The following TRAF3IP1 variants were observed in gnomAD, a reference collection of about 807,000 sequenced individuals.
The protein encoded by TRAF3IP1 is TRAF3-interacting protein 1.
In TRAF3IP1, 53 loss-of-function variants were observed where a neutral mutation model predicts 89.9. The observed-to-expected ratio is 0.59, with a 90% CI of 0.47 to 0.74. The LOEUF (loss-of-function observed/expected upper bound fraction) is 0.74. TRAF3IP1 is among the 30% of genes least tolerant of loss of function. TRAF3IP1 has a pLI of 0.00. For synonymous variants in TRAF3IP1, 311 were observed against 322.1 expected (o/e 0.97, Z 0.37); for missense variants, 806 against 866.1 (o/e 0.93, Z 0.87).
At chr2:238,394,413 A>G (rs189513012) in intron 15 of TRAF3IP1, among the ~76,000 whole-genome samples, 28 of 152,262 alleles carry the variant, frequency 1.8e-4, no homozygotes, top group Admixed American at 1.2e-3. Flanking sequence ...CTTCCATTCC[A>G]TGGACACAGT....
chr2:238,353,280 G>A, intron 14 of TRAF3IP1, 71 bp downstream of exon 14: 4 of 1,557,858 alleles, frequency 2.6e-6, no homozygotes, highest in Non-Finnish European at 3.5e-6. Flanking sequence ...ACGTGGGCCT[G>A]GAAGGATCCA....
chr2:238,321,378 C>G (rs921080480), intron 1 of TRAF3IP1, among the ~76,000 whole-genome samples: 1 of 152,204 alleles, frequency 6.6e-6, no homozygotes, highest in Non-Finnish European at 1.5e-5. Flanking sequence ...TTTATACAAC[C>G]CTTCTGCCCC....
intron 8 of TRAF3IP1, among the ~76,000 whole-genome samples, chr2:238,341,768 G>A (rs1698671100): frequency 6.6e-6 from 1 of 152,014 alleles, no homozygotes; most frequent in Non-Finnish European, 1.5e-5. Context: ...TCTGTGAGGC[G>A]GGGCAAACTG....
intron 7 of TRAF3IP1, among the ~76,000 whole-genome samples, chr2:238,334,242 C>G (rs1698279207): frequency 6.6e-6 from 1 of 152,194 alleles, no homozygotes; most frequent in Non-Finnish European, 1.5e-5. Flanking sequence ...CTGATGACAT[C>G]AGGGCAGAGT....
At chr2:238,397,369 A>G (rs1574984582) in intron 15 of TRAF3IP1, 90 bp from the exon 16 acceptor site, 1 of 1,175,548 alleles carries the variant, frequency 8.5e-7, no homozygotes, top group Admixed American at 1.9e-5. Flanking sequence ...CTTTCCTCCC[A>G]GCCCCATGGC....
At chr2:238,346,550 T>A (rs927155689) in intron 9 of TRAF3IP1, among the ~76,000 whole-genome samples, 1 of 152,210 alleles carries the variant, frequency 6.6e-6, no homozygotes, top group Non-Finnish European at 1.5e-5. Flanking sequence ...GTGGCTGTTA[T>A]GCTCACAGAA....
chr2:238,378,071 A>G (rs1219621903), intron 15 of TRAF3IP1, among the ~76,000 whole-genome samples: 4 of 150,808 alleles, frequency 2.7e-5, no homozygotes, highest in African/African-American at 7.3e-5. Context: ...TTACTTAGGC[A>G]TTTTTCTTTT....
At chr2:238,388,610 T>G (rs1391854723) in intron 15 of TRAF3IP1, among the ~76,000 whole-genome samples, 2 of 147,870 alleles carry the variant, frequency 1.4e-5, no homozygotes, top group East Asian at 4.0e-4. Flanking sequence ...TTTTTTTTTT[T>G]TTTTTGAGAC....
At chr2:238,326,499 G>A (rs1697840329) in intron 3 of TRAF3IP1, among the ~76,000 whole-genome samples, 1 of 152,118 alleles carries the variant, frequency 6.6e-6, no homozygotes, top group South Asian at 2.1e-4. Context: ...CAGTTGTACG[G>A]GGAGTAGATT....
At chr2:238,321,209 G>GC (rs1443264105) in intron 1 of TRAF3IP1, among the ~76,000 whole-genome samples, 1 of 152,220 alleles carries the variant, frequency 6.6e-6, no homozygotes, top group Non-Finnish European at 1.5e-5. Flanking sequence ...TTCCCTGCCT[G>GC]CCCTTGTATT....
intron 15 of TRAF3IP1, among the ~76,000 whole-genome samples, chr2:238,363,963 A>G (rs1255738518): frequency 6.6e-6 from 1 of 152,218 alleles, no homozygotes; most frequent in African/African-American, 2.4e-5. Flanking sequence ...CTGTCTCAAA[A>G]AAAATATATA....
chr2:238,376,670 A>T (rs1462968357), intron 15 of TRAF3IP1, among the ~76,000 whole-genome samples: 1 of 152,170 alleles, frequency 6.6e-6, no homozygotes, highest in Non-Finnish European at 1.5e-5. Context: ...TGTTAGATTT[A>T]TATGTGGGTA....
chr2:238,381,836 G>A lies in TRAF3IP1; in HGVS notation c.1690-15623G>A, dbSNP rs533089097. On this transcript the variant is annotated intron_variant, in intron 15 of 16. Transcript: ENST00000373327. ...TGTAAATATGTTCATCATGCTCTACGAATTTAAAAAATGCCAATGATTAAG... is the reference window on the plus strand; with the variant it reads ...TGTAAATATGTTCATCATGCTCTACAAATTTAAAAAATGCCAATGATTAAG... 3.9e-5 allele frequency among the ~76,000 whole-genome samples: 6 copies of A among 152,194 alleles called. No homozygotes were observed. In the East Asian group the frequency reaches 7.7e-4, roughly 20 times the overall value.
chr2:238,331,824 G>T (rs1050225001), intron 5 of TRAF3IP1, among the ~76,000 whole-genome samples: 2 of 152,170 alleles, frequency 1.3e-5, no homozygotes, highest in African/African-American at 4.8e-5. Flanking sequence ...TCACATCTAC[G>T]CTGGGGAGGC....
At chr2:238,347,376 T>C in intron 9 of TRAF3IP1, 79 bp from the exon 10 acceptor site, 4 of 1,483,438 alleles carry the variant, frequency 2.7e-6, no homozygotes, top group East Asian at 2.3e-5. Context: ...GTGTGTTTTT[T>C]CTCCAATTCT....
chr2:238,343,528 C>A (rs1432509938), intron 8 of TRAF3IP1, among the ~76,000 whole-genome samples: 1 of 151,854 alleles, frequency 6.6e-6, no homozygotes, highest in African/African-American at 2.4e-5. Flanking sequence ...ACTACAGGCA[C>A]CTGCCACCAT....
rs1039740460 is a variant in TRAF3IP1, at chr2:238,351,978, G to C, written c.1452-849G>C. 6.6e-6 allele frequency among the ~76,000 whole-genome samples: 1 copy of C among 152,062 alleles called. No individual in the cohort carries two copies. Among genetic ancestry groups the C allele is most frequent in the Non-Finnish European group, 1.5e-5 (1 of 68,006 alleles). On this transcript the variant is annotated intron_variant, in intron 12 of 16. Coordinates refer to ENST00000373327, the MANE Select transcript of TRAF3IP1 (RefSeq NM_015650.4). This position sits in a 1 kb window ranked among gnomAD's most constrained non-coding sequence, Gnocchi z 5.2. ...GCGATAACGGGGCAGGGGGAGTTAGGTGATTGCTTAAAGCACAAGTGTGTA... is the reference window on the plus strand; with the variant it reads ...GCGATAACGGGGCAGGGGGAGTTAGCTGATTGCTTAAAGCACAAGTGTGTA...
At chr2:238,347,387 G>A in intron 9 of TRAF3IP1, 68 bp from the exon 10 acceptor site, 1 of 1,541,652 alleles carries the variant, frequency 6.5e-7, no homozygotes, top group Non-Finnish European at 9.0e-7. Context: ...CTCCAATTCT[G>A]TTCTCATCAT....
At chr2:238,365,621 G>A (rs1169702283) in intron 15 of TRAF3IP1, among the ~76,000 whole-genome samples, 1 of 151,860 alleles carries the variant, frequency 6.6e-6, no homozygotes, top group Non-Finnish European at 1.5e-5. Flanking sequence ...TCGCGCCACT[G>A]CACTCCAGAC....
Sources: gnomAD v4.1 joint callset for allele counts (sites outside exome capture counted in the v4.1 genomes callset) on GRCh38, gnomAD v4.1.1 for gene constraint, Gnocchi (gnomAD v3.1) non-coding constraint, MANE v1.5 for transcripts, NCBI Gene and HGNC (gene_info 2026-07-23, HGNC 2026-07-21) for gene names.